The following TMEM244 variants were observed in gnomAD, a reference collection of about 807,000 sequenced individuals.
TMEM244 encodes the protein putative transmembrane protein 244.
A neutral mutation model predicts 15.8 loss-of-function variants in TMEM244; 13 were observed. The ratio of observed to expected loss-of-function variants is 0.82; its 90% CI spans 0.53 to 1.30. TMEM244 has a LOEUF of 1.30. TMEM244 is among the 50% of genes most tolerant of loss of function. The pLI is 0.00. For missense variants in TMEM244, 161 were observed against 144.9 expected, an observed-to-expected ratio of 1.11 and a Z score of -0.57; for synonymous variants, 45 against 48.7, an observed-to-expected ratio of 0.92 and a Z score of 0.32.
At chr6:129,850,676 G>C (rs1345294728) in intron 1 of TMEM244, among the ~76,000 whole-genome samples, 3 of 152,094 alleles carry the variant, frequency 2.0e-5, no homozygotes, top group African/African-American at 7.2e-5. Context: ...TTTTGAAAGA[G>C]TAAAATTAAT....
At chr6:129,852,006 T>A (rs566287550) in intron 1 of TMEM244, among the ~76,000 whole-genome samples, 1 of 152,306 alleles carries the variant, frequency 6.6e-6, no homozygotes, top group African/African-American at 2.4e-5. Flanking sequence ...GGTATGGTGG[T>A]TTTTGTTAAG....
chr6:129,859,670 C>T (rs1776772839), intron 1 of TMEM244, among the ~76,000 whole-genome samples: 1 of 152,154 alleles, frequency 6.6e-6, no homozygotes. Flanking sequence ...GTGCTATTTT[C>T]CCAGACAGCA....
At position 129,857,317 on chromosome 6, in the gene TMEM244, TACACACAC is replaced by T. The variant is rs139849085; in HGVS notation, c.33+3831_33+3838del. 2.7e-5 allele frequency among the ~76,000 whole-genome samples: 4 copies of T among 148,740 alleles called. No individual in the cohort carries two copies. In the South Asian group the frequency reaches 6.4e-4, roughly 24 times the overall value. On this transcript the variant is annotated intron_variant, in intron 1 of 4. Coordinates refer to ENST00000368143, the MANE Select transcript of TMEM244 (RefSeq NM_001010876.2). ...AACATATATATTTTATATGTGTGTA[TACACACAC>T]ACACACACACACACACATATATATA...
At chr6:129,845,732 T>C in intron 2 of TMEM244, 35 bp downstream of exon 2, 1 of 1,466,912 alleles carries the variant, frequency 6.8e-7, no homozygotes, top group Non-Finnish European at 9.5e-7. Flanking sequence ...CAATGTTAGC[T>C]TTTTAATTCT....
chr6:129,833,722 C>A (rs1353131416), intron 3 of TMEM244, 137 bp from the exon 4 acceptor site: 14 of 839,330 alleles, frequency 1.7e-5, no homozygotes, highest in Non-Finnish European at 2.5e-5. Context: ...CATTTCCTAA[C>A]AATCCTCAAA....
intron 4 of TMEM244, 94 bp downstream of exon 4, chr6:129,833,366 A>G: frequency 7.3e-7 from 1 of 1,371,298 alleles, no homozygotes; most frequent in South Asian, 1.7e-5. Context: ...TCATACAAGA[A>G]TATGCAGACA....
intron 1 of TMEM244, among the ~76,000 whole-genome samples, chr6:129,853,381 T>C (rs1180780179): frequency 6.6e-6 from 1 of 152,178 alleles, no homozygotes; most frequent in African/African-American, 2.4e-5. Context: ...CTCTACTGTA[T>C]GCTCCCTAAC....
chr6:129,856,629 C>T (rs1776713798), intron 1 of TMEM244, among the ~76,000 whole-genome samples: 1 of 151,912 alleles, frequency 6.6e-6, no homozygotes, highest in Admixed American at 6.6e-5. Flanking sequence ...AATAAGTGCA[C>T]TTTTTGTATA....
chr6:129,832,075 A>C (rs1468409486), intron 4 of TMEM244, among the ~76,000 whole-genome samples: 1 of 149,020 alleles, frequency 6.7e-6, no homozygotes, highest in South Asian at 2.1e-4. Context: ...TGTGTTCTTC[A>C]GTTGGAGACA....
intron 1 of TMEM244, among the ~76,000 whole-genome samples, chr6:129,846,447 C>A (rs756406194): frequency 6.6e-6 from 1 of 152,082 alleles, no homozygotes; most frequent in African/African-American, 2.4e-5. Flanking sequence ...TAGAGATACA[C>A]TTACTTTTCC....
intron 1 of TMEM244, among the ~76,000 whole-genome samples, chr6:129,856,047 T>G (rs1214229886): frequency 1.3e-5 from 2 of 152,142 alleles, no homozygotes. Context: ...TTCTTACCCT[T>G]GAACTTACCT....
intron 3 of TMEM244, among the ~76,000 whole-genome samples, chr6:129,842,626 A>G (rs1432223252): frequency 6.6e-6 from 1 of 152,096 alleles, no homozygotes; most frequent in Non-Finnish European, 1.5e-5. Context: ...TTGACAGTAC[A>G]TTAAAAAACA....
chr6:129,837,342 A>G (rs1017416736), intron 3 of TMEM244, among the ~76,000 whole-genome samples: 1 of 152,168 alleles, frequency 6.6e-6, no homozygotes, highest in Non-Finnish European at 1.5e-5. Context: ...TAAGTGAAGG[A>G]GAATTAAAAT....
chr6:129,835,422 G>A (rs972523105), intron 3 of TMEM244, among the ~76,000 whole-genome samples: 2 of 151,042 alleles, frequency 1.3e-5, no homozygotes, highest in African/African-American at 4.9e-5. Context: ...AAAAAAAAGA[G>A]TTATGGAGTC....
intron 3 of TMEM244, 72 bp downstream of exon 3, chr6:129,843,458 T>G: frequency 9.2e-7 from 1 of 1,085,554 alleles, no homozygotes; most frequent in Non-Finnish European, 1.3e-6. Flanking sequence ...TAAAATTTTT[T>G]TATTAAAAAA....
chr6:129,859,383 ACT>A (rs942573215), intron 1 of TMEM244, among the ~76,000 whole-genome samples: 2 of 152,066 alleles, frequency 1.3e-5, no homozygotes, highest in Non-Finnish European at 2.9e-5. Flanking sequence ...ATGAGATATG[ACT>A]CTCTCACTTG....
At chr6:129,857,986 G>T (rs1315900611) in intron 1 of TMEM244, among the ~76,000 whole-genome samples, 1 of 151,778 alleles carries the variant, frequency 6.6e-6, no homozygotes, top group Non-Finnish European at 1.5e-5. Flanking sequence ...AGTGAAGATG[G>T]TCATATGATT....
rs368370318 is a variant in TMEM244 at position 129,835,883 on chromosome 6, C to T, written c.194-2298G>A. The stretch of plus-strand genomic sequence containing the variant: ...GTCTGCATTGCTGAGGCTTGAGTAG[C>T]TCACAGTGTAAACAAAGAGGCCTGG... On this transcript the variant is annotated intron_variant, in intron 3 of 4. Coordinates refer to ENST00000368143, the MANE Select transcript of TMEM244 (RefSeq NM_001010876.2). 1.2e-4 allele frequency among the ~76,000 whole-genome samples: 19 copies of T among 152,078 alleles called. No individual in the cohort carries two copies. In the East Asian group the frequency reaches 3.3e-3, roughly 26 times the overall value.
chr6:129,860,026 T>G (rs1776777581), intron 1 of TMEM244, among the ~76,000 whole-genome samples: 1 of 152,120 alleles, frequency 6.6e-6, no homozygotes, highest in African/African-American at 2.4e-5. Flanking sequence ...TCTAAGGCTC[T>G]AATTCTACAC....
Sources: gnomAD v4.1 joint callset for allele counts (sites outside exome capture counted in the v4.1 genomes callset) on GRCh38, gnomAD v4.1.1 for gene constraint, MANE v1.5 for transcripts, NCBI Gene and HGNC (gene_info 2026-07-23, HGNC 2026-07-21) for gene names.